The following CATSPERT variants were observed in gnomAD, a reference collection of about 807,000 sequenced individuals.
The protein encoded by CATSPERT is cation channel sperm-associated targeting subunit tau.
the CATSPERT span, chr2:201,494,052 A>C: frequency 1.3e-6 from 2 of 1,535,248 alleles, no homozygotes; most frequent in South Asian, 2.4e-5. Flanking sequence ...TTATTTGACT[A>C]CCTTCTGAAA....
At chr2:201,543,823 G>T in the CATSPERT span, among the ~76,000 whole-genome samples, 1 of 152,032 alleles carries the variant, frequency 6.6e-6, no homozygotes, top group Non-Finnish European at 1.5e-5. Context: ...ATATTATTAT[G>T]TATTTTAAAG....
the CATSPERT span, among the ~76,000 whole-genome samples, chr2:201,532,521 G>A: frequency 6.6e-6 from 1 of 152,164 alleles, no homozygotes; most frequent in East Asian, 1.9e-4. Flanking sequence ...GCCCCAAGAT[G>A]TGGAAGTTAT....
the CATSPERT span, among the ~76,000 whole-genome samples, chr2:201,594,077 T>C: frequency 6.6e-6 from 1 of 152,224 alleles, no homozygotes; most frequent in African/African-American, 2.4e-5. Flanking sequence ...CTAGCCTCGA[T>C]GGTCTTTACA....
chr2:201,545,623 T>C, the CATSPERT span: 3 of 483,346 alleles, frequency 6.2e-6, no homozygotes, highest in Middle Eastern at 1.4e-3. Flanking sequence ...ATTAGTTTCC[T>C]AGAAGCAAAA....
the CATSPERT span, among the ~76,000 whole-genome samples, chr2:201,510,186 A>T: frequency 6.6e-6 from 1 of 150,470 alleles, no homozygotes; most frequent in African/African-American, 2.5e-5. Flanking sequence ...GATGTGGCTC[A>T]CACCTGTAAT....
At chr2:201,547,758 C>A in the CATSPERT span, 4 of 473,966 alleles carry the variant, frequency 8.4e-6, no homozygotes, top group African/African-American at 4.0e-5. Flanking sequence ...GGGATACAGT[C>A]AAAGGACAGG....
At chr2:201,614,756 C>T in the CATSPERT span, among the ~76,000 whole-genome samples, 1 of 152,128 alleles carries the variant, frequency 6.6e-6, no homozygotes, top group Non-Finnish European at 1.5e-5. Context: ...TTAAAAGACA[C>T]AGACTGGCAA....
At chr2:201,618,981 CGAA>C in the CATSPERT span, 1 of 1,613,970 alleles carries the variant, frequency 6.2e-7, no homozygotes, top group Admixed American at 1.7e-5. Flanking sequence ...CGTAAGGGAC[CGAA>C]GAAGCCTCCG....
the CATSPERT span, among the ~76,000 whole-genome samples, chr2:201,562,794 T>TG: frequency 1.3e-3 from 141 of 110,638 alleles, 1 homozygote; most frequent in African/African-American, 4.2e-3. Context: ...TAACCCTGAG[T>TG]GGACACAGCA....
chr2:201,602,995 A>G, the CATSPERT span, among the ~76,000 whole-genome samples: 1 of 152,224 alleles, frequency 6.6e-6, no homozygotes, highest in Non-Finnish European at 1.5e-5. Flanking sequence ...GCAACTAGAC[A>G]TGTAAATGGG....
the CATSPERT span, among the ~76,000 whole-genome samples, chr2:201,588,363 A>G: frequency 1.3e-5 from 2 of 151,904 alleles, no homozygotes; most frequent in African/African-American, 4.8e-5. Context: ...AAATGTGATC[A>G]ATCGCATAAA....
the CATSPERT span, among the ~76,000 whole-genome samples, chr2:201,599,494 G>A: frequency 6.6e-6 from 1 of 152,014 alleles, no homozygotes. Flanking sequence ...ATTTTTGTTA[G>A]ATTGTTAGTG....
At chr2:201,546,090 C>A in the CATSPERT span, among the ~76,000 whole-genome samples, 1 of 152,178 alleles carries the variant, frequency 6.6e-6, no homozygotes. Context: ...AAATACTGAT[C>A]TTTTAAAAAG....
At chr2:201,558,739 G>T in the CATSPERT span, among the ~76,000 whole-genome samples, 1 of 152,126 alleles carries the variant, frequency 6.6e-6, no homozygotes, top group South Asian at 2.1e-4. Flanking sequence ...GCTGCCCCCA[G>T]ATCCACCTCT....
chr2:201,616,031 C>T, the CATSPERT span, among the ~76,000 whole-genome samples: 3 of 152,182 alleles, frequency 2.0e-5, no homozygotes, highest in African/African-American at 7.2e-5. Flanking sequence ...CCTGAATAGA[C>T]CAATAACAGG....
At chr2:201,511,934 G>C in the CATSPERT span, 3 of 132,696 alleles carry the variant, frequency 2.3e-5, no homozygotes, top group African/African-American at 8.4e-5. Flanking sequence ...TAAAGATTTT[G>C]TGACTTGTTT....
the CATSPERT span, among the ~76,000 whole-genome samples, chr2:201,546,519 T>C: frequency 2.0e-5 from 3 of 152,168 alleles, no homozygotes; most frequent in African/African-American, 7.2e-5. Flanking sequence ...AAATGTCCAG[T>C]AAACACATGA....
chr2:201,615,881 A>G, the CATSPERT span, among the ~76,000 whole-genome samples: 132,872 of 151,996 alleles, frequency 0.87, 59,150 homozygotes, highest in South Asian at 0.98. Context: ...GGATATCACC[A>G]CCGATCCCAC....
chr2:201,577,948 T>A, the CATSPERT span, among the ~76,000 whole-genome samples: 5 of 152,216 alleles, frequency 3.3e-5, no homozygotes, highest in African/African-American at 1.2e-4. Flanking sequence ...AGTGTATACA[T>A]AGATCAAAAC....
Sources: allele counts gnomAD v4.1 joint callset (sites outside exome capture counted in the v4.1 genomes callset), GRCh38; gene constraint gnomAD v4.1.1; transcripts MANE v1.5; gene names NCBI Gene and HGNC (gene_info 2026-07-23, HGNC 2026-07-21).